The following HYDIN variants were observed in gnomAD, a reference collection of about 807,000 sequenced individuals.
The protein encoded by HYDIN is HYDIN axonemal central pair apparatus protein, also known as axonemal central pair apparatus protein HYDIN.
A neutral mutation model predicts 403.9 loss-of-function variants in HYDIN; 132 were observed. That is an observed-to-expected ratio of 0.33 (90% CI 0.28 to 0.38). The LOEUF is 0.38. Among genes scored for constraint, HYDIN ranks in the 10% least tolerant of loss-of-function variants. HYDIN has a pLI of 1.00. For synonymous variants in HYDIN, 1,202 were observed against 1,891.7 expected (o/e 0.64, Z 9.46); for missense variants, 2,827 against 5,009.5 (o/e 0.56, Z 13.15).
intron 83 of HYDIN, among the ~76,000 whole-genome samples, chr16:70,826,705 ATCTCTCTCTCTCTC>A (rs3043151): frequency 2.1e-4 from 27 of 129,084 alleles, no homozygotes; most frequent in Admixed American, 3.7e-4. Context: ...TCTTGCCAGC[ATCTCTCTCTCTCTC>A]TCTCTCTCTC....
intron 47 of HYDIN, among the ~76,000 whole-genome samples, chr16:70,915,998 C>CA (rs1238226053): frequency 6.6e-6 from 1 of 152,268 alleles, no homozygotes; most frequent in Non-Finnish European, 1.5e-5. Flanking sequence ...ACCATGCCCC[C>CA]ACCAACAGCA....
intron 55 of HYDIN, 87 bp downstream of exon 55, chr16:70,894,362 C>T (rs2041665807): frequency 6.3e-7 from 1 of 1,582,936 alleles, no homozygotes; most frequent in Non-Finnish European, 8.6e-7. Flanking sequence ...CTATCGGATT[C>T]AGGTTACCTG....
chr16:71,226,522 G>A (rs2041041611), intron 1 of HYDIN, among the ~76,000 whole-genome samples: 2 of 152,156 alleles, frequency 1.3e-5, no homozygotes, highest in South Asian at 2.1e-4. Flanking sequence ...CTTGTGTTAG[G>A]CCAAAGGTTT....
intron 57 of HYDIN, among the ~76,000 whole-genome samples, chr16:70,890,877 G>A (rs1471470265): frequency 6.6e-6 from 1 of 151,628 alleles, no homozygotes; most frequent in Admixed American, 6.6e-5. Context: ...AGGCATCACC[G>A]CACTTCCTCT....
chr16:70,906,182 T>A (rs1462161771), intron 50 of HYDIN, among the ~76,000 whole-genome samples: 1 of 152,192 alleles, frequency 6.6e-6, no homozygotes, highest in Admixed American at 6.5e-5. Context: ...GAATGGCTGA[T>A]CATCAGTCTC....
intron 18 of HYDIN, among the ~76,000 whole-genome samples, chr16:71,054,460 T>A (rs943941571): frequency 5.9e-5 from 9 of 152,100 alleles, no homozygotes; most frequent in African/African-American, 2.2e-4. Flanking sequence ...TCATATTGTT[T>A]GTCTATTAGA....
intron 65 of HYDIN, among the ~76,000 whole-genome samples, chr16:70,870,936 T>C (rs2040055160): frequency 6.6e-6 from 1 of 151,550 alleles, no homozygotes; most frequent in Non-Finnish European, 1.5e-5. Flanking sequence ...GGGGCTGAGG[T>C]GGGAGAATCA....
rs756801254 is a variant in HYDIN at position 70,868,724 on chromosome 16, A to G, written c.11156T>C (p.Ile3719Thr). ...IVVTMKSDVP[I>T]NLKNMRIRCK... ...CCTGATCCGCATATTCTTTAGGTTG[A>G]TGGGTACATCTGACTTCATGGTCAC... Residue 3719 changes from isoleucine to threonine, a missense_variant, in exon 66 of 86, where the codon ATC becomes ACC. Ile to Thr is a moderately conservative substitution (Grantham distance 89, BLOSUM62 -1). Transcript: ENST00000393567. The G allele has an allele frequency of 6.2e-7, 1 of 1,614,060 alleles. No homozygotes were observed. Among genetic ancestry groups the G allele is most frequent in the Admixed American group, 1.7e-5 (1 of 60,008 alleles).
intron 18 of HYDIN, among the ~76,000 whole-genome samples, chr16:71,054,938 T>C (rs1273492494): frequency 1.3e-5 from 2 of 152,222 alleles, no homozygotes; most frequent in African/African-American, 2.4e-5. Flanking sequence ...GGCGGAAAAA[T>C]GGCATTGTGG....
chr16:70,945,393 G>A (rs549405210), intron 41 of HYDIN, among the ~76,000 whole-genome samples: 1 of 152,194 alleles, frequency 6.6e-6, no homozygotes, highest in African/African-American at 2.4e-5. Flanking sequence ...TCACTTTTTG[G>A]ATATAAACAT....
rs535664648 is a variant in HYDIN, at chr16:70,916,947, A to C, written c.8004+1264T>G. Among the ~76,000 whole-genome samples the C allele has an allele frequency of 1.5e-4, 22 of 150,164 alleles. No individual in the cohort carries two copies. In the South Asian group the frequency reaches 4.6e-3, roughly 32 times the overall value. ...CTTTCTTTTCTTTTTCTTTTGAGAC[A>C]GGATCTCACTCTATTGCCCAGGCTG... On this transcript the variant is annotated intron_variant, in intron 47 of 85. Coordinates refer to ENST00000393567, the MANE Select transcript of HYDIN (RefSeq NM_001270974.2).
chr16:70,949,000 C>G (rs1043776916), intron 41 of HYDIN, among the ~76,000 whole-genome samples: 9 of 148,904 alleles, frequency 6.0e-5, no homozygotes, highest in African/African-American at 2.2e-4. Flanking sequence ...TATAAAGACA[C>G]ATGCACATGT....
rs1457706243 is a variant in HYDIN, at chr16:70,863,094, C to T, written c.11560G>A (p.Asp3854Asn). The T allele has an allele frequency of 6.2e-7, 1 of 1,613,880 alleles. No homozygotes were observed. The change falls in exon 68 of 86, where the codon GAT becomes AAT. Residue 3854 changes from aspartate (D) to asparagine (N), a missense_variant. By Grantham distance (23) the Asp-to-Asn change is conservative. Coordinates refer to ENST00000393567, the MANE Select transcript of HYDIN (RefSeq NM_001270974.2). Reference protein sequence around the residue: ...TSKAVSFAKPDHQGSAQKDQL... With the variant: ...TSKAVSFAKPNHQGSAQKDQL... ...TTGCCACTGAATTTACCTTGGTGATCTGGTTTTGCAAAGCTGACTGCCTTT... is the reference window on the plus strand; with the variant it reads ...TTGCCACTGAATTTACCTTGGTGATTTGGTTTTGCAAAGCTGACTGCCTTT...
chr16:71,228,869 C>T lies in HYDIN; in HGVS notation c.-24+1693G>A, dbSNP rs138404382. ...GACACATGCACACATATGTTTATTG[C>T]GGCACTATTCACAATAGCAAAGACT... is the stretch of plus-strand genomic sequence containing the variant. On this transcript the variant is annotated intron_variant, in intron 1 of 85. Coordinates refer to ENST00000393567, the MANE Select transcript of HYDIN (RefSeq NM_001270974.2). Among the ~76,000 whole-genome samples the T allele has an allele frequency of 4.7e-3, 714 of 152,128 alleles. 7 individuals carry two copies. The highest frequency in any genetic ancestry group is 0.016 in the African/African-American group (662 of 41,484).
chr16:70,920,874 G>A lies in HYDIN; in HGVS notation c.7502C>T (p.Pro2501Leu), dbSNP rs2076975360. The stretch of plus-strand genomic sequence containing the variant: ...CTTGCGGCCCCTGCGCCCACCCAAG[G>A]GGACCTGGCGCTGGTCGTCGGGCTC... ...PHEPDDQRQV[P>L]LGGRRGRKDR... The change falls in exon 46 of 86, where the codon CCC (proline) becomes CTC (leucine). Residue 2501 changes from proline to leucine, a missense_variant. Physicochemically the swap from Pro to Leu is moderately conservative, Grantham distance 98. Transcript: ENST00000393567. 1.9e-6 allele frequency: 3 copies of A among 1,607,726 alleles called. No individual in the cohort carries two copies. The highest frequency in any genetic ancestry group is 2.2e-5 in the East Asian group (1 of 44,700).
Position 70,896,175 on chromosome 16 carries a change from C to T in HYDIN, c.9049-95G>A, listed in dbSNP as rs1468929207. ...ATCCTAACGGGGATACGGCAGGGAACGTTTTGAAGTGTATTCCCCTGTAGG... is the reference window on the plus strand; with the variant it reads ...ATCCTAACGGGGATACGGCAGGGAATGTTTTGAAGTGTATTCCCCTGTAGG... On this transcript the variant is annotated intron_variant, in intron 53 of 85. Transcript: ENST00000393567. 1.4e-5 allele frequency: 21 copies of T among 1,490,156 alleles called. No homozygotes were observed. In the East Asian group the frequency reaches 4.1e-4, roughly 29 times the overall value. The allele number at this position is 1,490,156 out of a possible 1,614,324, so 92.3% of individuals were successfully genotyped here. A position where few individuals can be genotyped will look rare whatever the true frequency, so the allele number is the denominator to read the frequency against.
intron 5 of HYDIN, among the ~76,000 whole-genome samples, chr16:71,169,676 T>C (rs2086382742): frequency 6.6e-6 from 1 of 151,956 alleles, no homozygotes; most frequent in Non-Finnish European, 1.5e-5. Flanking sequence ...GTTGGAGAAT[T>C]GGGGGATGCT....
intron 30 of HYDIN, among the ~76,000 whole-genome samples, chr16:70,977,597 T>C (rs1232630458): frequency 3.0e-4 from 44 of 148,046 alleles, no homozygotes; most frequent in Non-Finnish European, 5.1e-4. Context: ...TCTAGCCACA[T>C]ATATGATTCT....
intron 65 of HYDIN, 35 bp downstream of exon 65, chr16:70,872,002 G>C (rs1317991642): frequency 1.2e-6 from 2 of 1,607,432 alleles, no homozygotes; most frequent in Non-Finnish European, 1.7e-6. Context: ...TTAGGACTAA[G>C]GGATTCCAAA....
Sources: allele counts gnomAD v4.1 joint callset (sites outside exome capture counted in the v4.1 genomes callset), GRCh38; gene constraint gnomAD v4.1.1; transcripts MANE v1.5; gene names NCBI Gene and HGNC (gene_info 2026-07-23, HGNC 2026-07-21).